Variants in VEPH1 observed in about 807,000 individuals in gnomAD.
The protein encoded by VEPH1 is ventricular zone expressed PH domain containing 1.
VEPH1 carries 80 observed loss-of-function variants against 85.2 expected under a neutral mutation model. The observed-to-expected ratio is 0.94, with a 90% CI of 0.78 to 1.13. VEPH1 has a LOEUF of 1.13. VEPH1 is among the 50% of genes most tolerant of loss of function. The pLI is 0.00. For missense variants in VEPH1, 955 were observed against 980.5 expected, an observed-to-expected ratio of 0.97 and a Z score of 0.35; for synonymous variants, 297 against 348.0, an observed-to-expected ratio of 0.85 and a Z score of 1.63.
At chr3:157,282,086 C>G (rs1716204943) in intron 12 of VEPH1, among the ~76,000 whole-genome samples, 1 of 152,168 alleles carries the variant, frequency 6.6e-6, no homozygotes, top group African/African-American at 2.4e-5. Flanking sequence ...AAAAAACTCT[C>G]CTGACACAGG....
chr3:157,345,868 A>T (rs56311637), intron 9 of VEPH1, among the ~76,000 whole-genome samples: 69,895 of 152,024 alleles, frequency 0.46, 17,909 homozygotes, highest in Admixed American at 0.61. Context: ...GGATGAGTTC[A>T]TGTCCTTTGT....
chr3:157,439,876 G>A (rs951085833), intron 4 of VEPH1, among the ~76,000 whole-genome samples: 2 of 152,130 alleles, frequency 1.3e-5, no homozygotes, highest in Non-Finnish European at 2.9e-5. Flanking sequence ...TCAGCCTCCT[G>A]AGTAGCTGGG....
At chr3:157,406,904 T>C (rs557152904) in intron 6 of VEPH1, among the ~76,000 whole-genome samples, 2 of 151,128 alleles carry the variant, frequency 1.3e-5, no homozygotes, top group Admixed American at 1.3e-4. Context: ...TAAAGTAAAG[T>C]AAAGATGACT....
At chr3:157,409,411 T>C (rs1228023632) in intron 6 of VEPH1, among the ~76,000 whole-genome samples, 1 of 152,154 alleles carries the variant, frequency 6.6e-6, no homozygotes, top group Non-Finnish European at 1.5e-5. Flanking sequence ...AGGGCAACAA[T>C]TGATCGGTTC....
chr3:157,494,095 A>T (rs757866566), intron 2 of VEPH1, among the ~76,000 whole-genome samples: 18 of 152,320 alleles, frequency 1.2e-4, no homozygotes, highest in African/African-American at 3.6e-4. Context: ...ATTACCTGAG[A>T]AAAGAAGAGT....
intron 10 of VEPH1, among the ~76,000 whole-genome samples, chr3:157,315,351 A>C (rs915602266): frequency 6.6e-6 from 1 of 152,164 alleles, no homozygotes; most frequent in Non-Finnish European, 1.5e-5. Flanking sequence ...TACATAACCC[A>C]TAATGTGAAT....
intron 4 of VEPH1, among the ~76,000 whole-genome samples, chr3:157,447,618 G>A (rs1356887419): frequency 7.3e-6 from 1 of 137,454 alleles, no homozygotes. Context: ...TTTTTGAAAT[G>A]GAGTCTCACT....
At chr3:157,457,627 T>A (rs1158738059) in intron 4 of VEPH1, among the ~76,000 whole-genome samples, 1 of 152,210 alleles carries the variant, frequency 6.6e-6, no homozygotes, top group Non-Finnish European at 1.5e-5. Context: ...TATCTGCATC[T>A]ATTGGATTTG....
At chr3:157,420,199 G>A (rs1732224110) in intron 5 of VEPH1, among the ~76,000 whole-genome samples, 1 of 152,016 alleles carries the variant, frequency 6.6e-6, no homozygotes, top group African/African-American at 2.4e-5. Flanking sequence ...GGGAGGGAAA[G>A]TATCAGGTAG....
chr3:157,463,147 A>G (rs1478615799), intron 3 of VEPH1, among the ~76,000 whole-genome samples: 1 of 152,164 alleles, frequency 6.6e-6, no homozygotes. Flanking sequence ...AAATGAGCCA[A>G]TTAAATATCT....
In VEPH1 at chr3:157,427,396, GC is replaced by G. The variant is rs1732834227; in HGVS notation, c.696+925del. Among the ~76,000 whole-genome samples the G allele has an allele frequency of 3.3e-5, 5 of 152,274 alleles. No homozygotes were observed. In the South Asian group the frequency reaches 1.0e-3, roughly 32 times the overall value. On this transcript the variant is annotated intron_variant, in intron 5 of 13. Transcript: ENST00000362010. ...ACCTCCCAAAGTGCTGGCATTACAG[GC>G]GTGAGCCACTGCACCTGGCCCATTT...
intron 1 of VEPH1, among the ~76,000 whole-genome samples, chr3:157,496,508 C>T (rs1739677256): frequency 6.6e-6 from 1 of 152,254 alleles, no homozygotes; most frequent in South Asian, 2.1e-4. Context: ...TCACCTCATA[C>T]ATGTGGGTAG....
intron 9 of VEPH1, among the ~76,000 whole-genome samples, chr3:157,329,264 A>G (rs2108592955): frequency 6.6e-6 from 1 of 152,278 alleles, no homozygotes; most frequent in South Asian, 2.1e-4. Flanking sequence ...ACCTCTCTTG[A>G]GAGAAGCCCA....
chr3:157,326,467 G>A (rs1577347087), intron 9 of VEPH1, among the ~76,000 whole-genome samples: 4 of 152,114 alleles, frequency 2.6e-5, no homozygotes, highest in Admixed American at 2.6e-4. Flanking sequence ...TGCAAGTGAG[G>A]CTTTTGTCTC....
intron 11 of VEPH1, among the ~76,000 whole-genome samples, chr3:157,309,726 T>C (rs956604469): frequency 4.6e-5 from 7 of 152,128 alleles, no homozygotes; most frequent in South Asian, 2.1e-4. Context: ...CTGTGTGAGA[T>C]TGATATATAG....
At chr3:157,497,362 TG>T (rs909345975) in intron 1 of VEPH1, among the ~76,000 whole-genome samples, 5 of 151,366 alleles carry the variant, frequency 3.3e-5, no homozygotes, top group Non-Finnish European at 5.9e-5. Context: ...CAAAGGAGAG[TG>T]GTAAGCTTTC....
At chr3:157,435,556 C>A (rs145624961) in intron 4 of VEPH1, among the ~76,000 whole-genome samples, 6 of 152,308 alleles carry the variant, frequency 3.9e-5, no homozygotes, top group Admixed American at 6.5e-5. Flanking sequence ...TCCCTTCTAA[C>A]TCTCCACCTT....
chr3:157,437,630 G>A (rs148943471), intron 4 of VEPH1: 2 of 1,555,404 alleles, frequency 1.3e-6, no homozygotes, highest in Admixed American at 1.9e-5. Flanking sequence ...GTCCTGCGGG[G>A]CGAGCTGCAG....
At chr3:157,308,792 T>C (rs554545836) in intron 11 of VEPH1, among the ~76,000 whole-genome samples, 11 of 152,218 alleles carry the variant, frequency 7.2e-5, no homozygotes, top group Middle Eastern at 3.4e-3. Context: ...TTTCTCTCCA[T>C]TGCTCTGTGA....
Sources: gnomAD v4.1 joint callset for allele counts (sites outside exome capture counted in the v4.1 genomes callset) on GRCh38, gnomAD v4.1.1 for gene constraint, MANE v1.5 for transcripts, NCBI Gene and HGNC (gene_info 2026-07-23, HGNC 2026-07-21) for gene names.